AQP3: variants seen among roughly 807,000 people sequenced by gnomAD.
The protein encoded by AQP3 is aquaporin-3.
A neutral mutation model predicts 30.3 loss-of-function variants in AQP3; 15 were observed. The observed-to-expected ratio is 0.49, with a 90% CI of 0.33 to 0.76. AQP3 has a LOEUF of 0.76. AQP3 is among the 30% of genes least tolerant of loss of function. The pLI is 0.02. For synonymous variants in AQP3, 153 were observed against 163.2 expected, an observed-to-expected ratio of 0.94 and a Z score of 0.47; for missense variants, 272 against 384.8, an observed-to-expected ratio of 0.71 and a Z score of 2.45.
chr9:33,441,872 G>T lies in AQP3; in HGVS notation c.*171C>A. On this transcript the variant is annotated 3_prime_UTR_variant, in exon 6 of 6. Coordinates refer to ENST00000297991, the MANE Select transcript of AQP3 (RefSeq NM_004925.5). ...GGGCAGTGGCCTAAGGTGCTATTTG[G>T]GCAAGGTCCAGTGGAAATCCTGAAG... 1 of 1,117,090 alleles carries T rather than the reference G, an allele frequency of 9.0e-7. No homozygotes were observed. The highest frequency in any genetic ancestry group is 1.3e-6 in the Non-Finnish European group (1 of 781,432). The allele number at this position is 1,117,090 out of a possible 1,614,324, so 69.2% of individuals were successfully genotyped here. A position where few individuals can be genotyped will look rare whatever the true frequency, so the allele number is the denominator to read the frequency against.
At position 33,443,542 on chromosome 9, in the gene AQP3, G is replaced by A. The variant is rs1027966719; in HGVS notation, c.236-84C>T. ...GTCCCCTGAGAAGGGGTGCAGAGAG[G>A]GGTTTCTTGCACAGGATGGCGGTTG... On this transcript the variant is annotated intron_variant, in intron 2 of 5. Coordinates refer to ENST00000297991, the MANE Select transcript of AQP3 (RefSeq NM_004925.5). This position sits in a 1 kb window ranked among gnomAD's most constrained non-coding sequence, Gnocchi z 5.0. 1.6e-5 allele frequency: 25 copies of A among 1,539,834 alleles called. No individual in the cohort carries two copies. Among genetic ancestry groups the A allele is most frequent in the Non-Finnish European group, 2.1e-5 (24 of 1,133,258 alleles).
chr9:33,441,999 G>A lies in AQP3; in HGVS notation c.*44C>T. The A allele has an allele frequency of 6.2e-7, 1 of 1,602,552 alleles. No individual in the cohort carries two copies. The highest frequency in any genetic ancestry group is 8.5e-7 in the Non-Finnish European group (1 of 1,172,980). ...AGTGGCCCTTGGACAGTCAGTGGAT[G>A]CTCAAGGCCAGGGCAGCGGAGTGGG... On this transcript the variant is annotated 3_prime_UTR_variant, in exon 6 of 6. Coordinates refer to ENST00000297991, the MANE Select transcript of AQP3 (RefSeq NM_004925.5).
rs1258943974 is a variant in AQP3, at chr9:33,443,339, C to A, written c.355G>T (p.Val119Phe). The A allele has an allele frequency of 2.5e-6, 4 of 1,585,806 alleles. No homozygotes were observed. The African/African-American group carries it at 5.4e-5, about 21-fold the overall frequency. Residue 119 changes from valine (V) to phenylalanine (F), a missense_variant, in exon 3 of 6, where the codon GTT (valine) becomes TTT (phenylalanine). Physicochemically the swap from Val to Phe is conservative, Grantham distance 50. This residue lies in a region of AQP3 where 170 missense variants were observed against 286.4 expected (regional missense o/e 0.59). Coordinates refer to ENST00000297991, the MANE Select transcript of AQP3 (RefSeq NM_004925.5). The surrounding 1 kb of genome is among the most constrained non-coding windows in gnomAD (Gnocchi z 5.0). ...TGCTTACCATAATACAGCCCAAAAA[C>A]TATTCCAGCACCCAAGAAGGCTCCC... The part of the protein sequence containing the change: ...TLGAFLGAGI[V>F]FGLYYDAIWH...
At chr9:33,442,581 T>C in intron 4 of AQP3, 63 bp from the exon 5 acceptor site, 14 of 1,457,578 alleles carry the variant, frequency 9.6e-6, no homozygotes, top group Non-Finnish European at 1.3e-5. Flanking sequence ...CCTCCTTCCA[T>C]CCCCCGTCTT....
rs1217440789 is a variant in AQP3 at position 33,447,590 on chromosome 9, G to A, written c.-60C>T. ...GGGTGGCGGGAGGCGGTGGCGCAGC[G>A]AGCAGCGGCCTCCAGCGCTGGTGGC... is the stretch of plus-strand genomic sequence containing the variant. On this transcript the variant is annotated 5_prime_UTR_variant, in exon 1 of 6. Coordinates refer to ENST00000297991, the MANE Select transcript of AQP3 (RefSeq NM_004925.5). 2.2e-5 allele frequency: 30 copies of A among 1,346,386 alleles called. No homozygotes were observed. Among genetic ancestry groups the A allele is most frequent in the East Asian group, 2.5e-5 (1 of 40,360 alleles). The allele number at this position is 1,346,386 out of a possible 1,614,324, so 83.4% of individuals were successfully genotyped here.
In AQP3 at chr9:33,441,254, T is replaced by C. The variant is rs1826826706; in HGVS notation, c.*789A>G. 1 of 152,966 alleles carries C rather than the reference T, an allele frequency of 6.5e-6. No homozygotes were observed. Among genetic ancestry groups the C allele is most frequent in the African/African-American group, 2.4e-5 (1 of 41,394 alleles). The allele number at this position is 152,966 out of a possible 1,614,324, so 9.5% of individuals were successfully genotyped here. A position where few individuals can be genotyped will look rare whatever the true frequency, so the allele number is the denominator to read the frequency against. ...AAAGGAGTGACGACCCTTTCTAAAGTGGGGTCTCCCATCCCGGATCCCTAA... is the reference window on the plus strand; with the variant it reads ...AAAGGAGTGACGACCCTTTCTAAAGCGGGGTCTCCCATCCCGGATCCCTAA... On this transcript the variant is annotated 3_prime_UTR_variant, in exon 6 of 6. Coordinates refer to ENST00000297991, the MANE Select transcript of AQP3 (RefSeq NM_004925.5).
chr9:33,447,387 GGA>G (rs1404157606), intron 1 of AQP3, 34 bp downstream of exon 1: 1 of 1,523,500 alleles, frequency 6.6e-7, no homozygotes, highest in Non-Finnish European at 9.0e-7. Context: ...TGCAAGGGCT[GGA>G]GAGAGAAGGG....
chr9:33,442,371 CG>C lies in AQP3; in HGVS notation c.639del (p.Val214SerfsTer50). 8 of 1,611,684 alleles carry C rather than the reference CG, an allele frequency of 5.0e-6. No homozygotes were observed. The highest frequency in any genetic ancestry group is 6.8e-6 in the Non-Finnish European group (8 of 1,179,258). On this transcript the variant is annotated frameshift_variant, in exon 5 of 6. Coordinates refer to ENST00000297991, the MANE Select transcript of AQP3 (RefSeq NM_004925.5). LOFTEE classifies it high-confidence loss of function. ...GTSMGFNSGY[A>X]VNPARDFGPR... ...GGGCCAAAGTCCCGGGCAGGGTTGACGGCATAGCCGGAGTTGAAGCCCATGG... is the reference window on the plus strand; with the variant it reads ...GGGCCAAAGTCCCGGGCAGGGTTGACGCATAGCCGGAGTTGAAGCCCATGG...
In AQP3 at chr9:33,442,775, T is replaced by TC. The variant is rs1395215464; in HGVS notation, c.492+76dup. On this transcript the variant is annotated intron_variant, in intron 4 of 5. Transcript: ENST00000297991. ...ACCCTGCTACAGTCGAGGAGTCCTG[T>TC]CCCCCAACCAGCCCATGAGCTACCA... The TC allele has an allele frequency of 2.1e-6, 3 of 1,402,856 alleles. No individual in the cohort carries two copies. In the African/African-American group the frequency reaches 4.3e-5, roughly 20 times the overall value. 86.9% of individuals were successfully genotyped at this position (1,402,856 alleles called of 1,614,324 possible). A position where few individuals can be genotyped will look rare whatever the true frequency, so the allele number is the denominator to read the frequency against.
rs755447177 is a variant in AQP3 at position 33,443,004 on chromosome 9, G to C, written c.374-34C>G. 6.3e-7 allele frequency: 1 copy of C among 1,584,698 alleles called. No individual in the cohort carries two copies. ...AGATTAGACACACAGTGAGTCGGGG[G>C]AGAGGCCTGAGCCCAGACTTCCCTC... On this transcript the variant is annotated intron_variant, in intron 3 of 5. Coordinates refer to ENST00000297991, the MANE Select transcript of AQP3 (RefSeq NM_004925.5). This position sits in a 1 kb window ranked among gnomAD's most constrained non-coding sequence, Gnocchi z 5.0.
At chr9:33,444,260 C>T (rs539734379) in intron 1 of AQP3, among the ~76,000 whole-genome samples, 87 of 152,262 alleles carry the variant, frequency 5.7e-4, no homozygotes, top group Middle Eastern at 6.8e-3. Context: ...CAGGCCTGGA[C>T]CATAAAGGTG....
Position 33,442,497 on chromosome 9 carries a change from T to TA in AQP3, c.513dup (p.Ile172TyrfsTer9), listed in dbSNP as rs1421931597. Reference sequence around the variant, plus strand: ...TCAACAATGGCCAGCACACACACGATAAGGGAGGCTGTGCCTATGAACTGG... The same window carrying TA: ...TCAACAATGGCCAGCACACACACGATAAAGGGAGGCTGTGCCTATGAACTGG... On this transcript the variant is annotated frameshift_variant, in exon 5 of 6. Transcript: ENST00000297991. LOFTEE classifies it high-confidence loss of function. The TA allele has an allele frequency of 1.9e-6, 3 of 1,608,868 alleles. No homozygotes were observed. Among genetic ancestry groups the TA allele is most frequent in the Admixed American group, 3.4e-5 (2 of 58,870 alleles).
At position 33,447,579 on chromosome 9, in the gene AQP3, G is replaced by A. The variant is rs1826935276; in HGVS notation, c.-49C>T. 6 of 1,449,884 alleles carry A rather than the reference G, an allele frequency of 4.1e-6. No individual in the cohort carries two copies. Among genetic ancestry groups the A allele is most frequent in the Non-Finnish European group, 5.7e-6 (6 of 1,060,090 alleles). The allele number at this position is 1,449,884 out of a possible 1,614,324, so 89.8% of individuals were successfully genotyped here. On this transcript the variant is annotated 5_prime_UTR_variant, in exon 1 of 6. Coordinates refer to ENST00000297991, the MANE Select transcript of AQP3 (RefSeq NM_004925.5). Reference sequence around the variant, plus strand: ...CGGGCGGGCAGGGGTGGCGGGAGGCGGTGGCGCAGCGAGCAGCGGCCTCCA... The same window carrying A: ...CGGGCGGGCAGGGGTGGCGGGAGGCAGTGGCGCAGCGAGCAGCGGCCTCCA...
intron 4 of AQP3, 27 bp from the exon 5 acceptor site, chr9:33,442,545 C>G (rs750458149): frequency 1.3e-6 from 2 of 1,572,160 alleles, no homozygotes; most frequent in South Asian, 2.3e-5. Flanking sequence ...ACAGGGTGAG[C>G]TGCAGCTCCC....
chr9:33,447,041 T>C lies in AQP3; in HGVS notation c.108+382A>G, dbSNP rs1323218394. On this transcript the variant is annotated intron_variant, in intron 1 of 5. Coordinates refer to ENST00000297991, the MANE Select transcript of AQP3 (RefSeq NM_004925.5). ...TAATGGCTCATTTGCCTCCGCCCCCTCCCCTACATCTGGGGGCTGGGATTC... is the reference window on the plus strand; with the variant it reads ...TAATGGCTCATTTGCCTCCGCCCCCCCCCCTACATCTGGGGGCTGGGATTC... Among the ~76,000 whole-genome samples, 9 of 152,178 alleles carry C rather than the reference T, an allele frequency of 5.9e-5. No individual in the cohort carries two copies. In the East Asian group the frequency reaches 1.4e-3, roughly 23 times the overall value.
Position 33,442,038 on chromosome 9 carries a change from C to A in AQP3, c.*5G>T, listed in dbSNP as rs532098311. 2.5e-6 allele frequency: 4 copies of A among 1,612,552 alleles called. No individual in the cohort carries two copies. The highest frequency in any genetic ancestry group is 2.2e-5 in the East Asian group (1 of 44,844). On this transcript the variant is annotated 3_prime_UTR_variant, in exon 6 of 6. Coordinates refer to ENST00000297991, the MANE Select transcript of AQP3 (RefSeq NM_004925.5). ...CAGCGGAGTGGGGAGATGGCCCCTG[C>A]CCACTCAGATCTGCTCCTTGTGCTT...
In AQP3 at chr9:33,443,061, T is replaced by C; in HGVS notation, c.374-91A>G. The C allele has an allele frequency of 3.1e-6, 4 of 1,274,188 alleles. No individual in the cohort carries two copies. The highest frequency in any genetic ancestry group is 3.4e-6 in the Non-Finnish European group (3 of 875,130). The allele number at this position is 1,274,188 out of a possible 1,614,324, so 78.9% of individuals were successfully genotyped here. ...GTGCCCTCCCCACCCTCCCATGAGT[T>C]ATGGGTAAGTAGCAATACTGCTGTA... On this transcript the variant is annotated intron_variant, in intron 3 of 5. Coordinates refer to ENST00000297991, the MANE Select transcript of AQP3 (RefSeq NM_004925.5). The surrounding 1 kb of genome is among the most constrained non-coding windows in gnomAD (Gnocchi z 5.0).
rs1378611943 is a variant in AQP3 at position 33,443,191 on chromosome 9, C to T, written c.373+130G>A. ...TCGTGCCCCCTACCTTGACCCTGTG[C>T]GTGAATGAGTGAGTCATGAGCCCGG... is the stretch of plus-strand genomic sequence containing the variant. On this transcript the variant is annotated intron_variant, in intron 3 of 5. Coordinates refer to ENST00000297991, the MANE Select transcript of AQP3 (RefSeq NM_004925.5). The surrounding 1 kb of genome is among the most constrained non-coding windows in gnomAD (Gnocchi z 5.0). 6 of 1,376,424 alleles carry T rather than the reference C, an allele frequency of 4.4e-6. No individual in the cohort carries two copies. Among genetic ancestry groups the T allele is most frequent in the Non-Finnish European group, 5.0e-6 (5 of 992,758 alleles). The allele number at this position is 1,376,424 out of a possible 1,614,324, so 85.3% of individuals were successfully genotyped here. A position where few individuals can be genotyped will look rare whatever the true frequency, so the allele number is the denominator to read the frequency against.
chr9:33,444,011 G>A, intron 1 of AQP3, 119 bp from the exon 2 acceptor site: 1 of 1,325,784 alleles, frequency 7.5e-7, no homozygotes, highest in South Asian at 1.4e-5. Flanking sequence ...GGCGCTTCCT[G>A]GAACCCAGCC....
Sources: allele counts gnomAD v4.1 joint callset (sites outside exome capture counted in the v4.1 genomes callset), GRCh38; gene constraint gnomAD v4.1.1; regional missense constraint gnomAD v4.1.1; non-coding constraint Gnocchi (gnomAD v3.1); transcripts MANE v1.5; gene names NCBI Gene and HGNC (gene_info 2026-07-23, HGNC 2026-07-21).